Variants in ERBB4 observed in about 807,000 individuals in gnomAD.
The protein encoded by ERBB4 is receptor tyrosine-protein kinase erbB-4.
ERBB4 carries 42 observed loss-of-function variants against 158.0 expected under a neutral mutation model. That is an observed-to-expected ratio of 0.27 (90% CI 0.21 to 0.34). The LOEUF is 0.34. Among genes scored for constraint, ERBB4 ranks in the 10% least tolerant of loss-of-function variants. ERBB4 has a pLI of 1.00. For synonymous variants in ERBB4, 583 were observed against 558.7 expected, an observed-to-expected ratio of 1.04 and a Z score of -0.61; for missense variants, 1,333 against 1,624.1, an observed-to-expected ratio of 0.82 and a Z score of 3.08.
intron 7 of ERBB4, among the ~76,000 whole-genome samples, chr2:211,717,879 G>A (rs982459214): frequency 6.6e-6 from 1 of 152,068 alleles, no homozygotes; most frequent in East Asian, 1.9e-4. Flanking sequence ...CTCTTCGATT[G>A]TTATAATGGC....
At chr2:212,306,123 T>C in intron 1 of ERBB4, among the ~76,000 whole-genome samples, 1 of 151,606 alleles carries the variant, frequency 6.6e-6, no homozygotes, top group Non-Finnish European at 1.5e-5. Flanking sequence ...TATAATAAGA[T>C]TCCTTTTTAT....
In ERBB4 at chr2:211,585,594, T is replaced by C. The variant is rs895540553; in HGVS notation, c.2302-23506A>G. ...AATTAAATCAGTTTATTAACTTCAATATTATTTTTCAAGTATTCAGTATAT... is the reference window on the plus strand; with the variant it reads ...AATTAAATCAGTTTATTAACTTCAACATTATTTTTCAAGTATTCAGTATAT... On this transcript the variant is annotated intron_variant, in intron 19 of 27. Transcript: ENST00000342788. 6.9e-4 allele frequency among the ~76,000 whole-genome samples: 105 copies of C among 152,116 alleles called. 6 individuals carry two copies.
chr2:211,420,993 G>A (rs1400328346), intron 24 of ERBB4, among the ~76,000 whole-genome samples: 2 of 151,918 alleles, frequency 1.3e-5, no homozygotes, highest in African/African-American at 4.8e-5. Context: ...ACGTTTATTT[G>A]GTTGGTTTGA....
Position 211,386,950 on chromosome 2 carries a change from G to A in ERBB4, c.3384C>T (p.Tyr1128=), listed in dbSNP as rs752037840. ...GGGCAAACACGGTGGGGTCAGCACTGTACCTCTGGGTGCTACTGTCCTCTT... is the reference window on the plus strand; with the variant it reads ...GGGCAAACACGGTGGGGTCAGCACTATACCTCTGGGTGCTACTGTCCTCTT... ...HVQEDSSTQR[Y]SADPTVFAPE... is the part of the protein sequence containing the mutation. The change falls in exon 27 of 28, where the codon TAC becomes TAT. Residue 1128 remains tyrosine (Y), a synonymous_variant. Transcript: ENST00000342788. The A allele has an allele frequency of 1.2e-6, 2 of 1,614,060 alleles. No homozygotes were observed. The highest frequency in any genetic ancestry group is 2.2e-5 in the South Asian group (2 of 91,072).
chr2:212,234,603 G>A (rs71500439), intron 1 of ERBB4, among the ~76,000 whole-genome samples: 5,434 of 152,148 alleles, frequency 0.036, 314 homozygotes, highest in African/African-American at 0.12. Flanking sequence ...CACCAACAGC[G>A]TAAAAGCGTT....
intron 4 of ERBB4, among the ~76,000 whole-genome samples, chr2:211,785,202 C>A (rs543955306): frequency 6.6e-6 from 1 of 151,626 alleles, no homozygotes; most frequent in South Asian, 2.1e-4. Flanking sequence ...CCTGGGTTCA[C>A]GCCATTCTCC....
At chr2:211,996,280 T>C (rs569381315) in intron 2 of ERBB4, among the ~76,000 whole-genome samples, 3 of 152,132 alleles carry the variant, frequency 2.0e-5, no homozygotes, top group South Asian at 2.1e-4. Flanking sequence ...TTTTTTCAGA[T>C]GGCAGAAACC....
At chr2:211,852,860 C>A (rs1429164527) in intron 3 of ERBB4, among the ~76,000 whole-genome samples, 1 of 151,900 alleles carries the variant, frequency 6.6e-6, no homozygotes, top group Non-Finnish European at 1.5e-5. Context: ...TTGCAAGATC[C>A]TTTCTCTGGA....
chr2:212,081,667 T>A (rs2078447642), intron 2 of ERBB4, among the ~76,000 whole-genome samples: 1 of 152,148 alleles, frequency 6.6e-6, no homozygotes, highest in African/African-American at 2.4e-5. Flanking sequence ...TTCTCCTGTT[T>A]CTAACACAAC....
intron 20 of ERBB4, among the ~76,000 whole-genome samples, chr2:211,556,310 G>C (rs753079881): frequency 6.6e-6 from 1 of 152,122 alleles, no homozygotes; most frequent in Admixed American, 6.5e-5. Flanking sequence ...GACATTCAAA[G>C]ATATTTAGAC....
At chr2:211,934,647 A>G (rs1365720058) in intron 3 of ERBB4, among the ~76,000 whole-genome samples, 3 of 151,966 alleles carry the variant, frequency 2.0e-5, no homozygotes. Context: ...GAGTAACAAA[A>G]TAAAACACGC....
At chr2:211,716,874 A>T (rs1483883736) in intron 7 of ERBB4, among the ~76,000 whole-genome samples, 1 of 152,168 alleles carries the variant, frequency 6.6e-6, no homozygotes, top group Non-Finnish European at 1.5e-5. Flanking sequence ...AGATACACAA[A>T]CTAATCTAAG....
intron 2 of ERBB4, among the ~76,000 whole-genome samples, chr2:212,037,333 A>G (rs2077039669): frequency 6.6e-6 from 1 of 152,162 alleles, no homozygotes; most frequent in Admixed American, 6.6e-5. Flanking sequence ...CATCTGAGAG[A>G]TGAGAATGAG....
At chr2:212,436,029 C>G (rs1166940056) in intron 1 of ERBB4, among the ~76,000 whole-genome samples, 1 of 151,638 alleles carries the variant, frequency 6.6e-6, no homozygotes, top group African/African-American at 2.4e-5. Flanking sequence ...GTACATGGCC[C>G]AAGACAACAG....
chr2:211,712,828 G>A (rs1404214214), intron 8 of ERBB4, among the ~76,000 whole-genome samples: 1 of 152,036 alleles, frequency 6.6e-6, no homozygotes, highest in Non-Finnish European at 1.5e-5. Context: ...GAAACAGAGA[G>A]GGAGAGAGAG....
intron 3 of ERBB4, among the ~76,000 whole-genome samples, chr2:211,853,039 G>A (rs1021671931): frequency 3.3e-5 from 5 of 151,912 alleles, no homozygotes; most frequent in African/African-American, 1.2e-4. Flanking sequence ...GTCGATTTGT[G>A]CTTCCCTTTT....
chr2:211,600,993 C>G (rs1176274017), intron 19 of ERBB4, among the ~76,000 whole-genome samples: 2 of 152,002 alleles, frequency 1.3e-5, no homozygotes, highest in Non-Finnish European at 2.9e-5. Flanking sequence ...AACTCTAGCT[C>G]TAAAAACAGA....
intron 1 of ERBB4, among the ~76,000 whole-genome samples, chr2:212,518,984 T>C (rs1691997014): frequency 6.6e-6 from 1 of 151,842 alleles, no homozygotes; most frequent in African/African-American, 2.4e-5. Context: ...TGTTATATCA[T>C]CTCCCCTGAA....
chr2:211,819,978 C>T (rs1406994784), intron 3 of ERBB4, among the ~76,000 whole-genome samples: 3 of 151,740 alleles, frequency 2.0e-5, no homozygotes, highest in African/African-American at 7.3e-5. Flanking sequence ...ACAGATGAGA[C>T]CCACCAGATT....
Sources: allele counts gnomAD v4.1 joint callset (sites outside exome capture counted in the v4.1 genomes callset), GRCh38; gene constraint gnomAD v4.1.1; transcripts MANE v1.5; gene names NCBI Gene and HGNC (gene_info 2026-07-23, HGNC 2026-07-21).